Variants in CYLD observed in about 807,000 individuals in gnomAD.
CYLD encodes the protein ubiquitin carboxyl-terminal hydrolase CYLD.
A neutral mutation model predicts 104.5 loss-of-function variants in CYLD; 26 were observed. The ratio of observed to expected loss-of-function variants is 0.25; its 90% CI spans 0.18 to 0.35. The LOEUF (loss-of-function observed/expected upper bound fraction) is 0.35. Among genes scored for constraint, CYLD ranks in the 10% least tolerant of loss-of-function variants. CYLD has a pLI of 1.00. For missense variants in CYLD, 703 were observed against 1,136.1 expected (o/e 0.62, Z 5.48); for synonymous variants, 385 against 399.9 (o/e 0.96, Z 0.45).
intron 4 of CYLD, among the ~76,000 whole-genome samples, chr16:50,753,871 C>T (rs1030322486): frequency 6.6e-6 from 1 of 152,148 alleles, no homozygotes; most frequent in Non-Finnish European, 1.5e-5. Context: ...TACAGAAGTT[C>T]AGATGGACTA....
chr16:50,754,975 GTATACATATATACATATATATGTATA>G (rs1325430373), intron 5 of CYLD, among the ~76,000 whole-genome samples: 18 of 124,738 alleles, frequency 1.4e-4, no homozygotes, highest in African/African-American at 5.1e-4. Flanking sequence ...ACACATATAT[GTATACATATATACATATATATGTATA>G]TATACATATA....
rs1200613158 is a variant in CYLD, at chr16:50,763,246, A to T, written c.913+8822A>T. On this transcript the variant is annotated intron_variant, in intron 5 of 18. Transcript: ENST00000427738. ...GAATAATATTCCATTGTATGGACAC[A>T]TCACATGTTGTTTATTAATCAGTAG... 2.0e-5 allele frequency among the ~76,000 whole-genome samples: 3 copies of T among 152,210 alleles called. No individual in the cohort carries two copies. In the East Asian group the frequency reaches 5.8e-4, roughly 29 times the overall value.
chr16:50,776,688 G>A (rs1448257321), intron 7 of CYLD, among the ~76,000 whole-genome samples: 1 of 152,152 alleles, frequency 6.6e-6, no homozygotes, highest in Non-Finnish European at 1.5e-5. Context: ...AAACTGCTAA[G>A]CAAAAATTTC....
chr16:50,784,523 A>T, intron 12 of CYLD, 72 bp downstream of exon 12: 1 of 1,460,264 alleles, frequency 6.8e-7, no homozygotes, highest in Admixed American at 1.7e-5. Context: ...ATAGTAATTA[A>T]TTTATACCTT....
intron 5 of CYLD, among the ~76,000 whole-genome samples, chr16:50,761,061 T>A (rs190788214): frequency 5.3e-5 from 8 of 152,340 alleles, no homozygotes; most frequent in Admixed American, 1.3e-4. Flanking sequence ...CATTTTTGCA[T>A]ATGATTAAGG....
intron 5 of CYLD, among the ~76,000 whole-genome samples, chr16:50,754,950 C>T (rs1303578577): frequency 1.4e-5 from 2 of 143,442 alleles, no homozygotes; most frequent in Admixed American, 1.4e-4. Flanking sequence ...TATATACACA[C>T]ATATATACAT....
intron 1 of CYLD, chr16:50,742,349 CCCGAGCCGGCCGGGCCCGCGGGTTG>C (rs1362219061): frequency 7.2e-5 from 11 of 152,476 alleles, no homozygotes; most frequent in Admixed American, 2.0e-4. Flanking sequence ...GTTGCCCGGG[CCCGAGCCGGCCGGGCCCGCGGGTTG>C]CCGAGCCCGC....
intron 14 of CYLD, among the ~76,000 whole-genome samples, chr16:50,791,104 C>T (rs1971393037): frequency 1.3e-5 from 2 of 152,180 alleles, no homozygotes; most frequent in African/African-American, 4.8e-5. Context: ...TAGATCTCAG[C>T]GCCTTCATTT....
At chr16:50,795,924 G>A (rs996957035) in intron 18 of CYLD, among the ~76,000 whole-genome samples, 18 of 152,066 alleles carry the variant, frequency 1.2e-4, no homozygotes, top group African/African-American at 2.4e-4. Context: ...CTATAATAGC[G>A]TTCATTTGAC....
chr16:50,762,830 T>C (rs540125380), intron 5 of CYLD, among the ~76,000 whole-genome samples: 26 of 152,236 alleles, frequency 1.7e-4, no homozygotes, highest in Non-Finnish European at 3.2e-4. Context: ...TCTAACAGTG[T>C]CATGCTGATG....
At position 50,779,913 on chromosome 16, in the gene CYLD, C is replaced by T. The variant is rs1970052927; in HGVS notation, c.1387C>T (p.Pro463Ser). 1 of 1,613,982 alleles carries T rather than the reference C, an allele frequency of 6.2e-7. No individual in the cohort carries two copies. Among genetic ancestry groups the T allele is most frequent in the African/African-American group, 1.3e-5 (1 of 75,052 alleles). Reference protein sequence around the residue: ...PVQESPPLAMPPGNSHGLEVG... With the variant: ...PVQESPPLAMSPGNSHGLEVG... ...CCAAGAGAGTCCACCCTTGGCCATGCCTCCTGGGAACTCACATGGTCTAGA... is the reference window on the plus strand; with the variant it reads ...CCAAGAGAGTCCACCCTTGGCCATGTCTCCTGGGAACTCACATGGTCTAGA... The change falls in exon 9 of 19, where the codon CCT (proline) becomes TCT (serine). Residue 463 changes from proline (P) to serine (S), a missense_variant. By Grantham distance (74) the Pro-to-Ser change is moderately conservative. This residue lies in a region of CYLD where 183 missense variants were observed against 212.1 expected (regional missense o/e 0.86). Transcript: ENST00000427738.
chr16:50,752,641 G>A (rs552603652), intron 4 of CYLD, among the ~76,000 whole-genome samples: 35 of 152,138 alleles, frequency 2.3e-4, no homozygotes, highest in African/African-American at 8.2e-4. Context: ...ATCCCAAACC[G>A]AAACTCTGTG....
At position 50,801,619 on chromosome 16, in the gene CYLD, G is replaced by A. The variant is rs1402334381; in HGVS notation, c.*5111G>A. ...ATCAGATCATAAACATTCATTAAAA[G>A]AACTCACATCCCATCTGAAACTTCC... On this transcript the variant is annotated 3_prime_UTR_variant, in exon 19 of 19. Transcript: ENST00000427738. 4.3e-6 allele frequency: 1 copy of A among 233,576 alleles called. No individual in the cohort carries two copies. The highest frequency in any genetic ancestry group is 1.8e-4 in the South Asian group (1 of 5,528). 14.5% of individuals were successfully genotyped at this position (233,576 alleles called of 1,614,324 possible).
intron 11 of CYLD, 142 bp from the exon 12 acceptor site, chr16:50,784,187 T>G: frequency 1.2e-6 from 1 of 822,780 alleles, no homozygotes; most frequent in Non-Finnish European, 2.0e-6. Flanking sequence ...GGGGTCCTGG[T>G]ACCTGTGTTA....
chr16:50,745,717 G>A (rs1296835402), intron 2 of CYLD, among the ~76,000 whole-genome samples: 1 of 152,070 alleles, frequency 6.6e-6, no homozygotes, highest in Non-Finnish European at 1.5e-5. Flanking sequence ...ACTGTGCCTA[G>A]CCTAGATGAT....
rs559323486 is a variant in CYLD at position 50,766,419 on chromosome 16, C to T, written c.914-8747C>T. On this transcript the variant is annotated intron_variant, in intron 5 of 18. Coordinates refer to ENST00000427738, the MANE Select transcript of CYLD (RefSeq NM_001378743.1). Reference sequence around the variant, plus strand: ...GATGATGCAACTGGTCACTCAAAAGCTTTGATGGAGATGCACAAGGAGATT... The same window carrying T: ...GATGATGCAACTGGTCACTCAAAAGTTTTGATGGAGATGCACAAGGAGATT... Among the ~76,000 whole-genome samples the T allele has an allele frequency of 3.3e-5, 5 of 152,306 alleles. No individual in the cohort carries two copies. The East Asian group carries it at 9.6e-4, about 29-fold the overall frequency.
In CYLD at chr16:50,750,212, A is replaced by T; in HGVS notation, c.504+10A>T. On this transcript the variant is annotated intron_variant, in intron 3 of 18. Coordinates refer to ENST00000427738, the MANE Select transcript of CYLD (RefSeq NM_001378743.1). Reference sequence around the variant, plus strand: ...TGGAGTTGAATTGCTGGTAAGTTTGATAAACCATTTTAGTAGTGTGTTTGT... The same window carrying T: ...TGGAGTTGAATTGCTGGTAAGTTTGTTAAACCATTTTAGTAGTGTGTTTGT... 1 of 1,613,570 alleles carries T rather than the reference A, an allele frequency of 6.2e-7. No homozygotes were observed. Among genetic ancestry groups the T allele is most frequent in the East Asian group, 2.2e-5 (1 of 44,886 alleles).
chr16:50,793,700 TGAACAG>T, intron 17 of CYLD, 36 bp downstream of exon 17: 1 of 1,286,836 alleles, frequency 7.8e-7, no homozygotes, highest in Non-Finnish European at 1.1e-6. Flanking sequence ...AAACTTTTGT[TGAACAG>T]TAACTTATTT....
intron 16 of CYLD, 42 bp from the exon 17 acceptor site, chr16:50,793,504 T>C: frequency 7.6e-7 from 1 of 1,322,010 alleles, no homozygotes; most frequent in Admixed American, 1.7e-5. Context: ...ATGCATTTTT[T>C]TTAAAGTCCT....
Sources: allele counts gnomAD v4.1 joint callset (sites outside exome capture counted in the v4.1 genomes callset), GRCh38; gene constraint gnomAD v4.1.1; regional missense constraint gnomAD v4.1.1; transcripts MANE v1.5; gene names NCBI Gene and HGNC (gene_info 2026-07-23, HGNC 2026-07-21).